The following SMPD3 variants were observed in gnomAD, a reference collection of about 807,000 sequenced individuals.
SMPD3 encodes the protein nSMase-2.
A neutral mutation model predicts 55.7 loss-of-function variants in SMPD3; 21 were observed. That is an observed-to-expected ratio of 0.38 (90% CI 0.27 to 0.54). The LOEUF is 0.54. Ranked by LOEUF, SMPD3 falls within the 20% of genes least tolerant of loss-of-function variation. The pLI, the probability that SMPD3 is intolerant of heterozygous loss-of-function variation, is 0.80. For synonymous variants in SMPD3, 457 were observed against 404.3 expected (o/e 1.13, Z -1.56); for missense variants, 842 against 899.6 (o/e 0.94, Z 0.82).
At position 68,404,406 on chromosome 16, in the gene SMPD3, G is replaced by A. The variant is rs1343692956; in HGVS notation, c.-268-17747C>T. Among the ~76,000 whole-genome samples the A allele has an allele frequency of 2.0e-5, 3 of 151,868 alleles. No individual in the cohort carries two copies. Among genetic ancestry groups the A allele is most frequent in the East Asian group, 1.9e-4 (1 of 5,166 alleles). Reference sequence around the variant, plus strand: ...TGAGCCACCATGACAGGGTTTCATCGTGTTGCCCAGGCTGGTCCTGAACTC... The same window carrying A: ...TGAGCCACCATGACAGGGTTTCATCATGTTGCCCAGGCTGGTCCTGAACTC... On this transcript the variant is annotated intron_variant, in intron 1 of 8. Coordinates refer to ENST00000219334, the MANE Select transcript of SMPD3 (RefSeq NM_018667.4). This position sits in a 1 kb window ranked among gnomAD's most constrained non-coding sequence, Gnocchi z 4.0.
At chr16:68,389,102 C>T in intron 1 of SMPD3, among the ~76,000 whole-genome samples, 1 of 152,234 alleles carries the variant, frequency 6.6e-6, no homozygotes, top group East Asian at 1.9e-4. Flanking sequence ...TGAGCAGGGC[C>T]TGCAATGCTG....
At chr16:68,377,563 C>A (rs770760215) in intron 2 of SMPD3, among the ~76,000 whole-genome samples, 1 of 152,202 alleles carries the variant, frequency 6.6e-6, no homozygotes, top group Non-Finnish European at 1.5e-5. Context: ...AGCCAGAGCC[C>A]CCCTCCCTAG....
chr16:68,445,958 CAGTATTTCTGAGACACCT>C (rs374337868), intron 1 of SMPD3, among the ~76,000 whole-genome samples: 2,767 of 152,230 alleles, frequency 0.018, 92 homozygotes, highest in African/African-American at 0.063. Flanking sequence ...TCTGAGGAAA[CAGTATTTCTGAGACACCT>C]AGTATTTCTG....
chr16:68,429,367 CAGTT>C (rs1381317631), intron 1 of SMPD3, among the ~76,000 whole-genome samples: 5 of 152,238 alleles, frequency 3.3e-5, no homozygotes, highest in Non-Finnish European at 7.3e-5. Context: ...CTGAAAATCT[CAGTT>C]AGCCTCTGTG....
Position 68,371,165 on chromosome 16 carries a change from C to T in SMPD3, c.1017G>A (p.Arg339=). The T allele has an allele frequency of 6.2e-7, 1 of 1,613,334 alleles. No homozygotes were observed. The highest frequency in any genetic ancestry group is 8.5e-7 in the Non-Finnish European group (1 of 1,179,962). ...VVKKAAARRR[R]HPDEAFDHEV... ...CATGGTCGAAGGCCTCGTCGGGGTG[C>T]CGCCTCCTGCGTGCAGCCGCCTTCT... is the stretch of plus-strand genomic sequence containing the variant. Residue 339 remains arginine, a synonymous_variant, in exon 3 of 9, where the codon CGG becomes CGA. Transcript: ENST00000219334.
intron 1 of SMPD3, among the ~76,000 whole-genome samples, chr16:68,394,210 C>G (rs1182376268): frequency 6.6e-6 from 1 of 152,112 alleles, no homozygotes; most frequent in Non-Finnish European, 1.5e-5. Context: ...ATTCGTCTCT[C>G]TCTTCTAGGC....
In SMPD3 at chr16:68,427,052, A is replaced by G. The variant is rs180680675; in HGVS notation, c.-269+21301T>C. 3.6e-5 allele frequency among the ~76,000 whole-genome samples: 5 copies of G among 138,682 alleles called. No homozygotes were observed. The East Asian group carries it at 1.0e-3, about 29-fold the overall frequency. The allele number at this position is 138,682 out of a possible 152,430, so 91.0% of individuals were successfully genotyped here. ...TGCTCTGTCACCCAGGCTGGAGTGC[A>G]GTGGTGAGATCTCGGCTCACTGCAA... On this transcript the variant is annotated intron_variant, in intron 1 of 8. Coordinates refer to ENST00000219334, the MANE Select transcript of SMPD3 (RefSeq NM_018667.4).
chr16:68,397,500 C>A (rs150959978), intron 1 of SMPD3, among the ~76,000 whole-genome samples: 1 of 152,190 alleles, frequency 6.6e-6, no homozygotes, highest in African/African-American at 2.4e-5. Flanking sequence ...TTCAGCCTTG[C>A]GCCCTCCATT....
rs960067127 is a variant in SMPD3 at position 68,447,679 on chromosome 16, A to G, written c.-269+674T>C. On this transcript the variant is annotated intron_variant, in intron 1 of 8. Transcript: ENST00000219334. The surrounding 1 kb of genome is among the most constrained non-coding windows in gnomAD (Gnocchi z 5.1). ...AGGGGTCTCCCAGCGTTTCCCTGCC[A>G]CATTCCAATTCCACCCTTCACCAGT... Among the ~76,000 whole-genome samples, 1 of 150,574 alleles carries G rather than the reference A, an allele frequency of 6.6e-6. No homozygotes were observed. Among genetic ancestry groups the G allele is most frequent in the Non-Finnish European group, 1.5e-5 (1 of 67,706 alleles).
intron 1 of SMPD3, among the ~76,000 whole-genome samples, chr16:68,427,090 G>C (rs559766310): frequency 5.3e-5 from 8 of 150,074 alleles, no homozygotes; most frequent in Non-Finnish European, 1.2e-4. Flanking sequence ...TCCACCTCCG[G>C]GGTTCGAGCG....
At chr16:68,420,220 C>G (rs577435757) in intron 1 of SMPD3, among the ~76,000 whole-genome samples, 2 of 152,086 alleles carry the variant, frequency 1.3e-5, no homozygotes, top group Admixed American at 6.5e-5. Context: ...TGGGATTATA[C>G]GTGTGAGCCA....
At position 68,371,760 on chromosome 16, in the gene SMPD3, A is replaced by G. The variant is rs146128683; in HGVS notation, c.422T>C (p.Val141Ala). The G allele has an allele frequency of 1.9e-6, 3 of 1,611,410 alleles. No homozygotes were observed. Among genetic ancestry groups the G allele is most frequent in the African/African-American group, 2.7e-5 (2 of 74,878 alleles). ...CGCTTGGGTGTTAAAAAGGTTGTTG[A>G]CCCTGGCGAGTGAGTCGGGCAGGAG... is the stretch of plus-strand genomic sequence containing the variant. ...VCLLPDSLAR[V>A]NNLFNTQARA... Residue 141 changes from valine to alanine, a missense_variant, in exon 3 of 9, where the codon GTC becomes GCC. Around this residue, in one of 2 missense-constraint regions of SMPD3, gnomAD observed 193 missense variants for 256.0 expected, o/e 0.75. Coordinates refer to ENST00000219334, the MANE Select transcript of SMPD3 (RefSeq NM_018667.4).
intron 1 of SMPD3, among the ~76,000 whole-genome samples, chr16:68,421,689 C>A (rs936557885): frequency 6.6e-6 from 1 of 152,234 alleles, no homozygotes; most frequent in African/African-American, 2.4e-5. Context: ...AGCTCGGCCT[C>A]CATTCCTAGC....
intron 1 of SMPD3, among the ~76,000 whole-genome samples, chr16:68,392,259 G>A (rs950053331): frequency 3.9e-5 from 6 of 152,064 alleles, no homozygotes; most frequent in African/African-American, 1.4e-4. Context: ...TTTGAATTTT[G>A]ACCTTTTCTT....
At chr16:68,439,120 A>C (rs2090547427) in intron 1 of SMPD3, among the ~76,000 whole-genome samples, 1 of 152,234 alleles carries the variant, frequency 6.6e-6, no homozygotes, top group African/African-American at 2.4e-5. Flanking sequence ...GGGAAAAGTT[A>C]GTTTTATTGC....
At position 68,364,839 on chromosome 16, in the gene SMPD3, A is replaced by T; in HGVS notation, c.1467T>A (p.Ser489=). 6.2e-7 allele frequency: 1 copy of T among 1,613,902 alleles called. No homozygotes were observed. The highest frequency in any genetic ancestry group is 8.5e-7 in the Non-Finnish European group (1 of 1,180,030). ...GGTTGGCTGCGCTGGACGAGGAGGT[A>T]GATTTTCGGAAATCAGCCAGCCAGT... ...LQDWLADFRK[S]TSSSSAANPE... Residue 489 remains serine, a synonymous_variant, in exon 5 of 9, where the codon TCT becomes TCA. Coordinates refer to ENST00000219334, the MANE Select transcript of SMPD3 (RefSeq NM_018667.4).
At chr16:68,445,536 A>G (rs575144004) in intron 1 of SMPD3, among the ~76,000 whole-genome samples, 1 of 152,346 alleles carries the variant, frequency 6.6e-6, no homozygotes, top group East Asian at 1.9e-4. Flanking sequence ...GAGCCCCCCA[A>G]TAGAAAGATT....
chr16:68,370,018 CT>C (rs1444991512), intron 3 of SMPD3: 1 of 152,254 alleles, frequency 6.6e-6, no homozygotes, highest in Non-Finnish European at 1.5e-5. Flanking sequence ...CAGCTGCTGC[CT>C]CTCAGGGCAG....
Position 68,404,237 on chromosome 16 carries a change from A to T in SMPD3, c.-268-17578T>A. Among the ~76,000 whole-genome samples, 1 of 145,810 alleles carries T rather than the reference A, an allele frequency of 6.9e-6. No individual in the cohort carries two copies. Among genetic ancestry groups the T allele is most frequent in the African/African-American group, 2.6e-5 (1 of 38,844 alleles). On this transcript the variant is annotated intron_variant, in intron 1 of 8. Coordinates refer to ENST00000219334, the MANE Select transcript of SMPD3 (RefSeq NM_018667.4). The surrounding 1 kb of genome is among the most constrained non-coding windows in gnomAD (Gnocchi z 4.0). ...TTCGCTCTTGTTGCCCAGGCTGGAC[A>T]TTACAGGCATGTGCTACCATGCCTG...
Sources: gnomAD v4.1 joint callset for allele counts (sites outside exome capture counted in the v4.1 genomes callset) on GRCh38, gnomAD v4.1.1 for gene constraint, gnomAD v4.1.1 regional missense constraint, Gnocchi (gnomAD v3.1) non-coding constraint, MANE v1.5 for transcripts, NCBI Gene and HGNC (gene_info 2026-07-23, HGNC 2026-07-21) for gene names.